Variants in MYO16 observed in about 807,000 individuals in gnomAD.
The protein encoded by MYO16 is unconventional myosin-XVI.
In MYO16, 94 loss-of-function variants were observed where a neutral mutation model predicts 205.3. The ratio of observed to expected loss-of-function variants is 0.46; its 90% confidence interval spans 0.39 to 0.54. The LOEUF (loss-of-function observed/expected upper bound fraction) is 0.54. Among genes scored for constraint, MYO16 ranks in the 20% least tolerant of loss-of-function variants. The pLI is 0.00. For synonymous variants in MYO16, 988 were observed against 954.0 expected (o/e 1.04, Z -0.66); for missense variants, 2,315 against 2,387.5 (o/e 0.97, Z 0.63).
intron 28 of MYO16, among the ~76,000 whole-genome samples, chr13:109,114,421 A>G (rs1463201135): frequency 6.6e-6 from 1 of 152,202 alleles, no homozygotes; most frequent in African/African-American, 2.4e-5. Context: ...GCTCCGATTC[A>G]TCTTATCTCT....
chr13:108,676,372 C>CAT (rs3223334), intron 2 of MYO16, among the ~76,000 whole-genome samples: 1 of 131,672 alleles, frequency 7.6e-6, no homozygotes, highest in African/African-American at 2.8e-5. Flanking sequence ...TATATGTACG[C>CAT]GTGTGTGTGT....
chr13:108,939,659 C>A (rs553347736), intron 16 of MYO16, among the ~76,000 whole-genome samples: 2 of 152,114 alleles, frequency 1.3e-5, no homozygotes, highest in African/African-American at 2.4e-5. Flanking sequence ...AACCACTTTT[C>A]TTCTTATTTG....
chr13:108,613,515 G>A (rs907124718), intron 1 of MYO16, among the ~76,000 whole-genome samples: 1 of 152,000 alleles, frequency 6.6e-6, no homozygotes, highest in Middle Eastern at 3.2e-3. Context: ...ATCACTCTAT[G>A]CAGCCAGAAT....
intron 11 of MYO16, among the ~76,000 whole-genome samples, chr13:108,864,026 T>C (rs1878584618): frequency 6.6e-6 from 1 of 152,202 alleles, no homozygotes; most frequent in Non-Finnish European, 1.5e-5. Context: ...TGATGTCATA[T>C]TACTGATTGC....
chr13:109,205,987 T>C (rs1419751549), intron 34 of MYO16, among the ~76,000 whole-genome samples: 1 of 152,200 alleles, frequency 6.6e-6, no homozygotes, highest in Non-Finnish European at 1.5e-5. Flanking sequence ...CCGCCTTGAA[T>C]GAGCTCATTG....
At chr13:108,736,397 G>A (rs192950861) in intron 4 of MYO16, among the ~76,000 whole-genome samples, 3,934 of 152,292 alleles carry the variant, frequency 0.026, 61 homozygotes, top group Non-Finnish European at 0.041. Context: ...TTATTAAATA[G>A]GGAATCCTTT....
intron 21 of MYO16, among the ~76,000 whole-genome samples, chr13:109,005,146 C>T (rs1442657103): frequency 6.6e-6 from 1 of 152,088 alleles, no homozygotes; most frequent in African/African-American, 2.4e-5. Flanking sequence ...AAGACGATAC[C>T]AGGAGAGTCT....
chr13:108,913,201 G>C (rs1459561400), intron 16 of MYO16, among the ~76,000 whole-genome samples: 1 of 152,106 alleles, frequency 6.6e-6, no homozygotes, highest in Non-Finnish European at 1.5e-5. Context: ...AGTATCTAAT[G>C]GGTGCAAAAC....
chr13:108,641,549 A>G (rs2047302781), intron 1 of MYO16, among the ~76,000 whole-genome samples: 2 of 152,180 alleles, frequency 1.3e-5, no homozygotes, highest in Admixed American at 6.5e-5. Flanking sequence ...TTTTAACTAT[A>G]TTAAAGTCAT....
chr13:109,191,395 A>C (rs955417494), intron 34 of MYO16, among the ~76,000 whole-genome samples: 8 of 152,300 alleles, frequency 5.3e-5, no homozygotes, highest in African/African-American at 1.4e-4. Flanking sequence ...TATTTAAGTA[A>C]AATATGTAAT....
At chr13:108,648,748 C>A (rs908637938) in intron 1 of MYO16, among the ~76,000 whole-genome samples, 1 of 151,936 alleles carries the variant, frequency 6.6e-6, no homozygotes, top group Admixed American at 6.6e-5. Flanking sequence ...TTGCCACTGG[C>A]AGAAATCAAC....
At chr13:108,822,594 T>C (rs1053075251) in intron 8 of MYO16, among the ~76,000 whole-genome samples, 1 of 152,164 alleles carries the variant, frequency 6.6e-6, no homozygotes. Context: ...TAAGGAAATA[T>C]ATTTATTTAT....
intron 16 of MYO16, among the ~76,000 whole-genome samples, chr13:108,947,093 T>C (rs182551096): frequency 7.9e-5 from 12 of 152,342 alleles, no homozygotes; most frequent in African/African-American, 2.6e-4. Flanking sequence ...CCTTTGTCAG[T>C]AGTAACTATC....
intron 22 of MYO16, among the ~76,000 whole-genome samples, chr13:109,019,397 C>A (rs1286685628): frequency 6.6e-6 from 1 of 152,048 alleles, no homozygotes; most frequent in East Asian, 1.9e-4. Context: ...GATAATTTTC[C>A]TGTAGTCTGA....
chr13:108,992,853 T>C (rs1884883011), intron 21 of MYO16, among the ~76,000 whole-genome samples: 1 of 152,204 alleles, frequency 6.6e-6, no homozygotes, highest in Admixed American at 6.6e-5. Context: ...TTCATCTCCA[T>C]ATGACATTCA....
intron 28 of MYO16, among the ~76,000 whole-genome samples, chr13:109,116,653 A>G (rs1298662079): frequency 3.9e-5 from 6 of 152,018 alleles, no homozygotes; most frequent in Non-Finnish European, 7.4e-5. Context: ...TACCCTCCAT[A>G]TCTGAACCAA....
intron 28 of MYO16, among the ~76,000 whole-genome samples, chr13:109,102,937 G>A (rs1054655472): frequency 2.0e-5 from 3 of 152,136 alleles, no homozygotes; most frequent in African/African-American, 7.2e-5. Context: ...AAAATTAAAA[G>A]GAAAGAGAAA....
Position 108,743,128 on chromosome 13 carries a change from G to A in MYO16, c.507+15545G>A, listed in dbSNP as rs774439406. On this transcript the variant is annotated intron_variant, in intron 4 of 34. Transcript: ENST00000457511. ...TAAGAAACAAAATACTTTTACATTGGTATTAATTACTTTAAAGGGGTATTA... is the reference window on the plus strand; with the variant it reads ...TAAGAAACAAAATACTTTTACATTGATATTAATTACTTTAAAGGGGTATTA... Among the ~76,000 whole-genome samples the A allele has an allele frequency of 5.7e-4, 87 of 152,048 alleles. 1 individual carries two copies. Among genetic ancestry groups the A allele is most frequent in the Non-Finnish European group, 5.9e-4 (40 of 68,002 alleles).
intron 16 of MYO16, among the ~76,000 whole-genome samples, chr13:108,944,915 G>T (rs112531642): frequency 0.015 from 2,269 of 152,160 alleles, 55 homozygotes; most frequent in African/African-American, 0.05. Flanking sequence ...GAGTAACCCA[G>T]TTTTTGCTAG....
Sources: gnomAD v4.1 joint callset for allele counts (sites outside exome capture counted in the v4.1 genomes callset) on GRCh38, gnomAD v4.1.1 for gene constraint, MANE v1.5 for transcripts, NCBI Gene and HGNC (gene_info 2026-07-23, HGNC 2026-07-21) for gene names.